Variants in LIN9 observed in about 807,000 individuals in gnomAD.
LIN9 encodes the protein lin-9 DREAM MuvB core complex component.
In LIN9, 18 loss-of-function variants were observed where a neutral mutation model predicts 78.0. The observed-to-expected ratio is 0.23, with a 90% CI of 0.16 to 0.34. The LOEUF is 0.34. LIN9 is among the 10% of genes least tolerant of loss of function. The pLI, the probability that LIN9 is intolerant of heterozygous loss-of-function variation, is 1.00. For missense variants in LIN9, 451 were observed against 644.1 expected (o/e 0.70, Z 3.25); for synonymous variants, 192 against 215.2 (o/e 0.89, Z 0.94).
chr1:226,270,281 T>C (rs1660182695), intron 7 of LIN9, among the ~76,000 whole-genome samples: 1 of 152,022 alleles, frequency 6.6e-6, no homozygotes, highest in African/African-American at 2.4e-5. Flanking sequence ...TCAAGTTTAA[T>C]AATAATAATA....
intron 8 of LIN9, among the ~76,000 whole-genome samples, chr1:226,267,422 CA>C (rs10679567): frequency 1.9e-3 from 174 of 91,382 alleles, no homozygotes; most frequent in African/African-American, 6.5e-3. Context: ...GACTCCGTCT[CA>C]AAAAAAAAAA....
At chr1:226,247,654 C>A (rs1658566308) in intron 11 of LIN9, among the ~76,000 whole-genome samples, 1 of 150,350 alleles carries the variant, frequency 6.7e-6, no homozygotes, top group African/African-American at 2.4e-5. Flanking sequence ...TTCCTTAATG[C>A]CTTGTTGTTT....
chr1:226,234,950 G>T, intron 12 of LIN9, among the ~76,000 whole-genome samples: 1 of 147,860 alleles, frequency 6.8e-6, no homozygotes, highest in South Asian at 2.1e-4. Flanking sequence ...GGAGTGCAGT[G>T]GTGCGATCTC....
In LIN9 at chr1:226,289,743, G is replaced by A. The variant is rs573998508; in HGVS notation, c.265-1946C>T. On this transcript the variant is annotated intron_variant, in intron 4 of 14. Coordinates refer to ENST00000681046, the MANE Select transcript of LIN9 (RefSeq NM_001366245.2). Reference sequence around the variant, plus strand: ...TGAAAGTAATCCCAAATACTTATACGAATTTAGCTTTGATGAAGGCAGCAT... The same window carrying A: ...TGAAAGTAATCCCAAATACTTATACAAATTTAGCTTTGATGAAGGCAGCAT... Among the ~76,000 whole-genome samples, 750 of 147,704 alleles carry A rather than the reference G, an allele frequency of 5.1e-3. 2 individuals are homozygous for A. Among genetic ancestry groups the A allele is most frequent in the Non-Finnish European group, 7.3e-3 (497 of 67,654 alleles).
At chr1:226,266,777 AT>A (rs36012038) in intron 8 of LIN9, among the ~76,000 whole-genome samples, 35,234 of 150,922 alleles carry the variant, frequency 0.23, 4,392 homozygotes, top group South Asian at 0.33. Context: ...CAGAGAAGCA[AT>A]TTACTTTTTT....
At position 226,233,529 on chromosome 1, in the gene LIN9, T is replaced by A; in HGVS notation, c.1246-6A>T. ...AGCCCCTGGTCTGGAGCAAGCTGAA[T>A]ACAGATGATTGAAGCATGAGACGCA... On this transcript the variant is annotated splice_region_variant and splice_polypyrimidine_tract_variant and intron_variant, in intron 12 of 14. Transcript: ENST00000681046. The A allele has an allele frequency of 1.9e-6, 3 of 1,601,286 alleles. No homozygotes were observed. In the South Asian group the frequency reaches 3.4e-5, roughly 18 times the overall value.
At chr1:226,290,442 G>A (rs539385875) in intron 4 of LIN9, among the ~76,000 whole-genome samples, 25 of 150,844 alleles carry the variant, frequency 1.7e-4, no homozygotes, top group Admixed American at 1.2e-3. Context: ...CCGGGTTCAC[G>A]CCATTCTCCT....
At chr1:226,258,894 CAAAAAAAAAAAA>C (rs770169450) in intron 10 of LIN9, among the ~76,000 whole-genome samples, 31 of 54,778 alleles carry the variant, frequency 5.7e-4, no homozygotes, top group African/African-American at 2.1e-3. Flanking sequence ...TCTGTCTCAA[CAAAAAAAAAAAA>C]AAAAAAAAAA....
At chr1:226,257,725 A>C (rs978053010) in intron 10 of LIN9, among the ~76,000 whole-genome samples, 3 of 152,322 alleles carry the variant, frequency 2.0e-5, no homozygotes, top group Middle Eastern at 3.4e-3. Context: ...GTAAACCATA[A>C]AACACAAAAA....
At chr1:226,288,857 C>A (rs530151197) in intron 4 of LIN9, among the ~76,000 whole-genome samples, 5 of 152,286 alleles carry the variant, frequency 3.3e-5, no homozygotes, top group African/African-American at 1.2e-4. Context: ...TTAGTCCAAT[C>A]CCAGTCAAAA....
Position 226,231,371 on chromosome 1 carries a change from T to C in LIN9, c.*1130A>G, listed in dbSNP as rs1229794460. ...TTCAGTTTTATTATACATTAACATATAAAAAGTCTCATTTTATGAGACATC... is the reference window on the plus strand; with the variant it reads ...TTCAGTTTTATTATACATTAACATACAAAAAGTCTCATTTTATGAGACATC... On this transcript the variant is annotated 3_prime_UTR_variant, in exon 15 of 15. Coordinates refer to ENST00000681046, the MANE Select transcript of LIN9 (RefSeq NM_001366245.2). The C allele has an allele frequency of 6.6e-6, 1 of 152,516 alleles. No homozygotes were observed. The highest frequency in any genetic ancestry group is 2.4e-5 in the African/African-American group (1 of 41,444). The allele number at this position is 152,516 out of a possible 1,614,324, so 9.4% of individuals were successfully genotyped here. A position where few individuals can be genotyped will look rare whatever the true frequency, so the allele number is the denominator to read the frequency against.
At chr1:226,294,580 A>C (rs9725097) in intron 4 of LIN9, among the ~76,000 whole-genome samples, 97,283 of 150,980 alleles carry the variant, frequency 0.64, 31,757 homozygotes, top group East Asian at 0.71. Flanking sequence ...TCAAAAAAAA[A>C]AAACAAAAAA....
intron 12 of LIN9, 46 bp from the exon 13 acceptor site, chr1:226,233,569 T>C: frequency 6.9e-7 from 1 of 1,453,008 alleles, no homozygotes. Flanking sequence ...CGAGAAGCCA[T>C]GATTATTTCT....
chr1:226,233,581 T>C (rs1219981505), intron 12 of LIN9, 58 bp from the exon 13 acceptor site: 5 of 1,337,340 alleles, frequency 3.7e-6, no homozygotes, highest in African/African-American at 3.0e-5. Context: ...ATTATTTCTG[T>C]ATGTGTTTGT....
intron 2 of LIN9, among the ~76,000 whole-genome samples, chr1:226,298,732 G>C (rs928845138): frequency 2.0e-5 from 3 of 151,918 alleles, no homozygotes; most frequent in Admixed American, 6.6e-5. Context: ...ATGGTGGCAC[G>C]CACCTGTAGT....
chr1:226,305,322 A>G (rs900365419), intron 1 of LIN9, among the ~76,000 whole-genome samples: 5 of 148,532 alleles, frequency 3.4e-5, no homozygotes, highest in East Asian at 1.9e-4. Flanking sequence ...AAAGAAAAAA[A>G]AAAAAAAAAA....
intron 11 of LIN9, among the ~76,000 whole-genome samples, chr1:226,243,028 T>G (rs548930644): frequency 6.6e-6 from 1 of 152,230 alleles, no homozygotes; most frequent in Non-Finnish European, 1.5e-5. Context: ...AGTAGGCTAT[T>G]AGTAGTTAAG....
At chr1:226,262,937 T>C (rs533908228) in intron 10 of LIN9, among the ~76,000 whole-genome samples, 3 of 152,200 alleles carry the variant, frequency 2.0e-5, no homozygotes, top group East Asian at 3.9e-4. Context: ...ATCCCGACAA[T>C]GTAATATTAC....
At chr1:226,236,679 G>A (rs911499634) in intron 12 of LIN9, among the ~76,000 whole-genome samples, 10 of 152,060 alleles carry the variant, frequency 6.6e-5, no homozygotes, top group South Asian at 2.1e-4. Context: ...GGATGGTCTC[G>A]ATCTCCTGAC....
Sources: gnomAD v4.1 joint callset for allele counts (sites outside exome capture counted in the v4.1 genomes callset) on GRCh38, gnomAD v4.1.1 for gene constraint, MANE v1.5 for transcripts, NCBI Gene and HGNC (gene_info 2026-07-23, HGNC 2026-07-21) for gene names.